Variants in PPP1R16B observed in about 807,000 individuals in gnomAD.
PPP1R16B encodes protein phosphatase 1 regulatory inhibitor subunit 16B.
A neutral mutation model predicts 61.7 loss-of-function variants in PPP1R16B; 14 were observed. That is an observed-to-expected ratio of 0.23 (90% CI 0.15 to 0.35). The LOEUF (loss-of-function observed/expected upper bound fraction) is 0.35. Among genes scored for constraint, PPP1R16B ranks in the 10% least tolerant of loss-of-function variants. The probability of loss-of-function intolerance (pLI) is 1.00; values close to 1 mark genes in which losing one functional copy is unlikely to be tolerated. For synonymous variants in PPP1R16B, 266 were observed against 305.3 expected (o/e 0.87, Z 1.34); for missense variants, 547 against 752.5 (o/e 0.73, Z 3.19).
At chr20:38,845,403 T>G (rs1830792984) in intron 2 of PPP1R16B, among the ~76,000 whole-genome samples, 1 of 152,092 alleles carries the variant, frequency 6.6e-6, no homozygotes, top group Admixed American at 6.5e-5. Context: ...GCTGTGATGG[T>G]GCCACTATAC....
intron 2 of PPP1R16B, among the ~76,000 whole-genome samples, chr20:38,876,220 G>A (rs1228348933): frequency 6.6e-6 from 1 of 152,000 alleles, no homozygotes; most frequent in African/African-American, 2.4e-5. Flanking sequence ...TGATCTGCCC[G>A]CCTTGGCCTC....
intron 3 of PPP1R16B, among the ~76,000 whole-genome samples, chr20:38,893,707 A>G (rs987758608): frequency 9.9e-5 from 15 of 151,836 alleles, no homozygotes; most frequent in African/African-American, 3.4e-4. Flanking sequence ...CCCTGCACCC[A>G]GCCCCCAACG....
At position 38,822,987 on chromosome 20, in the gene PPP1R16B, A is replaced by G. The variant is rs141537911; in HGVS notation, c.-101-12838A>G. On this transcript the variant is annotated intron_variant, in intron 1 of 10. Coordinates refer to ENST00000299824, the MANE Select transcript of PPP1R16B (RefSeq NM_015568.4). ...AACTATGGCTTATAGAGAAGTTATCATGTTCAAAGGAAATACAACCGGTGA... is the reference window on the plus strand; with the variant it reads ...AACTATGGCTTATAGAGAAGTTATCGTGTTCAAAGGAAATACAACCGGTGA... Among the ~76,000 whole-genome samples the G allele has an allele frequency of 8.5e-5, 13 of 152,322 alleles. No individual in the cohort carries two copies. In the East Asian group the frequency reaches 2.5e-3, roughly 29 times the overall value.
At chr20:38,811,132 G>T (rs2084697932) in intron 1 of PPP1R16B, among the ~76,000 whole-genome samples, 1 of 146,636 alleles carries the variant, frequency 6.8e-6, no homozygotes, top group African/African-American at 2.6e-5. Flanking sequence ...GTGCCTTGAT[G>T]CAGGCAATGT....
At chr20:38,829,359 C>T (rs2084822680) in intron 1 of PPP1R16B, among the ~76,000 whole-genome samples, 1 of 152,220 alleles carries the variant, frequency 6.6e-6, no homozygotes, top group Admixed American at 6.5e-5. Flanking sequence ...CCTGGATGAC[C>T]TCACCCGACC....
At chr20:38,848,721 TACAGC>T (rs2084949644) in intron 2 of PPP1R16B, among the ~76,000 whole-genome samples, 1 of 152,138 alleles carries the variant, frequency 6.6e-6, no homozygotes, top group Non-Finnish European at 1.5e-5. Flanking sequence ...GAAAACCAAA[TACAGC>T]ATGTTCTCAC....
intron 2 of PPP1R16B, among the ~76,000 whole-genome samples, chr20:38,875,192 T>A (rs2085157358): frequency 6.6e-6 from 1 of 152,136 alleles, no homozygotes; most frequent in Non-Finnish European, 1.5e-5. Context: ...GTCCCATACA[T>A]CACTCTACCT....
chr20:38,901,699 C>T (rs1024684509), intron 5 of PPP1R16B, among the ~76,000 whole-genome samples: 4 of 152,188 alleles, frequency 2.6e-5, no homozygotes, highest in African/African-American at 7.2e-5. Flanking sequence ...CGTGAACCCC[C>T]GCGCCCAGCC....
chr20:38,896,427 T>C (rs896005407), intron 4 of PPP1R16B, among the ~76,000 whole-genome samples: 4 of 151,424 alleles, frequency 2.6e-5, no homozygotes, highest in Non-Finnish European at 5.9e-5. Flanking sequence ...CTTCTACCTC[T>C]CACCCTCTCC....
At chr20:38,808,137 G>A (rs2084674254) in intron 1 of PPP1R16B, among the ~76,000 whole-genome samples, 2 of 152,134 alleles carry the variant, frequency 1.3e-5, no homozygotes, top group South Asian at 4.1e-4. Context: ...TGGAAACTAG[G>A]CCTATGTGTG....
At chr20:38,872,202 G>C in intron 2 of PPP1R16B, among the ~76,000 whole-genome samples, 1 of 152,186 alleles carries the variant, frequency 6.6e-6, no homozygotes, top group East Asian at 1.9e-4. Context: ...CTCACTTACT[G>C]TTCACCTAAT....
intron 2 of PPP1R16B, among the ~76,000 whole-genome samples, chr20:38,881,230 G>C (rs1026322443): frequency 1.3e-5 from 2 of 152,228 alleles, no homozygotes; most frequent in African/African-American, 4.8e-5. Flanking sequence ...AGGCAGCCGG[G>C]CTTCCCTGGG....
chr20:38,914,792 C>G (rs566199484), intron 10 of PPP1R16B, among the ~76,000 whole-genome samples: 1 of 152,246 alleles, frequency 6.6e-6, no homozygotes, highest in East Asian at 1.9e-4. Context: ...CCCAGCCTCC[C>G]ATGTAGCTGA....
At chr20:38,908,346 A>T (rs1029277653) in intron 10 of PPP1R16B, among the ~76,000 whole-genome samples, 153 bp downstream of exon 10, 4 of 152,224 alleles carry the variant, frequency 2.6e-5, no homozygotes, top group Non-Finnish European at 4.4e-5. Flanking sequence ...GATGATGGCT[A>T]CTGTAGTTAA....
intron 2 of PPP1R16B, among the ~76,000 whole-genome samples, chr20:38,837,082 C>T (rs1438783760): frequency 2.0e-5 from 3 of 152,200 alleles, no homozygotes; most frequent in Admixed American, 6.5e-5. Context: ...AATGCTGTTC[C>T]GTGTATTCCG....
chr20:38,832,574 G>C (rs558325330), intron 1 of PPP1R16B, among the ~76,000 whole-genome samples: 1 of 152,306 alleles, frequency 6.6e-6, no homozygotes, highest in South Asian at 2.1e-4. Flanking sequence ...TTGCTGGAGG[G>C]TATGAAACCA....
chr20:38,837,694 C>T (rs959829607), intron 2 of PPP1R16B, among the ~76,000 whole-genome samples: 14 of 151,982 alleles, frequency 9.2e-5, no homozygotes, highest in African/African-American at 2.4e-4. Context: ...TACAGGCGTT[C>T]ACCTCCATGC....
chr20:38,847,770 A>T (rs943991039), intron 2 of PPP1R16B, among the ~76,000 whole-genome samples: 1 of 152,152 alleles, frequency 6.6e-6, no homozygotes, highest in African/African-American at 2.4e-5. Flanking sequence ...GGAGAATGAC[A>T]TTGGAGGGAG....
chr20:38,855,974 AGAGAG>A lies in PPP1R16B; in HGVS notation c.250+19800_250+19804del, dbSNP rs1457345242. Among the ~76,000 whole-genome samples the A allele has an allele frequency of 3.3e-5, 4 of 120,666 alleles. 1 individual carries two copies. The highest frequency in any genetic ancestry group is 2.8e-4 in the South Asian group (1 of 3,530). The allele number at this position is 120,666 out of a possible 152,430, so 79.2% of individuals were successfully genotyped here. A position where few individuals can be genotyped will look rare whatever the true frequency, so the allele number is the denominator to read the frequency against. ...GAGAGAGAGAGAGAGAGAGAGAGAGAGAGAGAGAAGGAGGAGGAGAGAGACCAGGA... is the reference window on the plus strand; with the variant it reads ...GAGAGAGAGAGAGAGAGAGAGAGAGAAGAAGGAGGAGGAGAGAGACCAGGA... On this transcript the variant is annotated intron_variant, in intron 2 of 10. Transcript: ENST00000299824.
Sources: gnomAD v4.1 joint callset for allele counts (sites outside exome capture counted in the v4.1 genomes callset) on GRCh38, gnomAD v4.1.1 for gene constraint, MANE v1.5 for transcripts, NCBI Gene and HGNC (gene_info 2026-07-23, HGNC 2026-07-21) for gene names.